Variants in STK39 observed in about 807,000 individuals in gnomAD.
STK39 encodes STE20/SPS1-related proline-alanine-rich protein kinase.
In STK39, 20 loss-of-function variants were observed where a neutral mutation model predicts 77.8. The observed-to-expected ratio is 0.26, with a 90% CI of 0.18 to 0.37. The LOEUF is 0.37. Among genes scored for constraint, STK39 ranks in the 10% least tolerant of loss-of-function variants. STK39 has a pLI of 1.00. For synonymous variants in STK39, 246 were observed against 234.1 expected (o/e 1.05, Z -0.47); for missense variants, 479 against 656.5 (o/e 0.73, Z 2.95).
intron 17 of STK39, among the ~76,000 whole-genome samples, 178 bp from the exon 18 acceptor site, chr2:167,955,748 T>G (rs922098735): frequency 1.3e-5 from 2 of 152,142 alleles, no homozygotes; most frequent in African/African-American, 4.8e-5. Context: ...AGCTAAGTGC[T>G]GTCAGCACTG....
At chr2:168,192,582 C>T (rs1689366016) in intron 1 of STK39, among the ~76,000 whole-genome samples, 1 of 152,198 alleles carries the variant, frequency 6.6e-6, no homozygotes, top group Non-Finnish European at 1.5e-5. Flanking sequence ...TCTGGGGTCA[C>T]ACAGCCCCAA....
intron 14 of STK39, among the ~76,000 whole-genome samples, chr2:168,030,652 C>G (rs957551632): frequency 6.6e-6 from 1 of 152,122 alleles, no homozygotes; most frequent in Admixed American, 6.5e-5. Context: ...ACAGGTGGTA[C>G]TGCAAGATAA....
intron 16 of STK39, among the ~76,000 whole-genome samples, chr2:167,997,349 G>A (rs1683873000): frequency 6.6e-6 from 1 of 152,094 alleles, no homozygotes. Flanking sequence ...TTTTGTAAAA[G>A]AAGCTTGATG....
At chr2:168,097,842 T>A (rs1358877466) in intron 10 of STK39, among the ~76,000 whole-genome samples, 1 of 152,222 alleles carries the variant, frequency 6.6e-6, no homozygotes, top group Non-Finnish European at 1.5e-5. Flanking sequence ...TATAGAACAT[T>A]TGACTGAATC....
At chr2:167,992,378 C>T (rs897569126) in intron 16 of STK39, among the ~76,000 whole-genome samples, 3 of 151,974 alleles carry the variant, frequency 2.0e-5, no homozygotes, top group African/African-American at 7.3e-5. Context: ...AGCTGTAGGC[C>T]ACCAGGTTGT....
chr2:167,985,314 G>A (rs116169195), intron 16 of STK39, among the ~76,000 whole-genome samples: 1 of 152,200 alleles, frequency 6.6e-6, no homozygotes, highest in African/African-American at 2.4e-5. Context: ...CTTTCTTCAG[G>A]GGAAGAACTT....
intron 10 of STK39, among the ~76,000 whole-genome samples, chr2:168,123,034 C>T (rs190917003): frequency 1.4e-4 from 22 of 152,274 alleles, no homozygotes; most frequent in African/African-American, 4.8e-4. Flanking sequence ...AAATCAATAC[C>T]ATGTGCCTCT....
intron 5 of STK39, 75 bp downstream of exon 5, chr2:168,161,712 G>T: frequency 9.4e-7 from 1 of 1,060,212 alleles, no homozygotes; most frequent in Non-Finnish European, 1.4e-6. Context: ...TCATTTCTCA[G>T]GAATGATTCT....
chr2:168,000,501 T>C (rs536859323), intron 16 of STK39, among the ~76,000 whole-genome samples: 1 of 152,338 alleles, frequency 6.6e-6, no homozygotes, highest in Admixed American at 6.5e-5. Flanking sequence ...CTAACCTGTA[T>C]TCTACCTTTC....
intron 10 of STK39, among the ~76,000 whole-genome samples, chr2:168,093,075 C>T (rs1006313842): frequency 2.6e-5 from 4 of 152,200 alleles, no homozygotes; most frequent in African/African-American, 4.8e-5. Context: ...TCGCTCAACA[C>T]ATTCAGAATG....
At chr2:168,200,130 TTAAAG>T (rs1177636685) in intron 1 of STK39, among the ~76,000 whole-genome samples, 1 of 152,216 alleles carries the variant, frequency 6.6e-6, no homozygotes, top group African/African-American at 2.4e-5. Flanking sequence ...CTCTTGAACA[TTAAAG>T]TAACATTTTC....
intron 1 of STK39, among the ~76,000 whole-genome samples, chr2:168,222,081 T>A (rs1334374211): frequency 6.6e-6 from 1 of 152,192 alleles, no homozygotes; most frequent in African/African-American, 2.4e-5. Context: ...GCATCTTTTT[T>A]CCTTCTTTTA....
chr2:168,069,722 G>A (rs1486078426), intron 12 of STK39, among the ~76,000 whole-genome samples: 1 of 152,214 alleles, frequency 6.6e-6, no homozygotes, highest in East Asian at 1.9e-4. Context: ...AATCCTGAGA[G>A]CAGCTTTTTA....
At chr2:168,219,029 A>G (rs1348142266) in intron 1 of STK39, among the ~76,000 whole-genome samples, 1 of 152,220 alleles carries the variant, frequency 6.6e-6, no homozygotes, top group Non-Finnish European at 1.5e-5. Flanking sequence ...TAAGAATCAT[A>G]TGAATCAAGA....
intron 1 of STK39, among the ~76,000 whole-genome samples, chr2:168,183,914 A>T (rs767380261): frequency 4.6e-5 from 7 of 152,312 alleles, no homozygotes; most frequent in Non-Finnish European, 7.4e-5. Flanking sequence ...AGACACTATC[A>T]CTGAAGGGAG....
chr2:168,053,705 T>G (rs1685453894), intron 14 of STK39, among the ~76,000 whole-genome samples: 1 of 152,244 alleles, frequency 6.6e-6, no homozygotes, highest in Non-Finnish European at 1.5e-5. Flanking sequence ...CAATTTTTTC[T>G]GAATACAAAC....
intron 5 of STK39, among the ~76,000 whole-genome samples, chr2:168,143,568 G>C (rs982343019): frequency 6.6e-6 from 1 of 152,178 alleles, no homozygotes; most frequent in South Asian, 2.1e-4. Context: ...CAAAAAATCA[G>C]CTGGGCCTGG....
chr2:168,025,479 T>A (rs1315548157), intron 14 of STK39, among the ~76,000 whole-genome samples: 1 of 152,202 alleles, frequency 6.6e-6, no homozygotes, highest in Non-Finnish European at 1.5e-5. Flanking sequence ...CTGACCAAGG[T>A]CAGGCCACCA....
intron 7 of STK39, among the ~76,000 whole-genome samples, chr2:168,139,157 G>C (rs1360720504): frequency 6.6e-6 from 1 of 152,174 alleles, no homozygotes; most frequent in African/African-American, 2.4e-5. Context: ...AGTCCTAGAG[G>C]ACGTCAGGCT....
Sources: gnomAD v4.1 joint callset for allele counts (sites outside exome capture counted in the v4.1 genomes callset) on GRCh38, gnomAD v4.1.1 for gene constraint, MANE v1.5 for transcripts, NCBI Gene and HGNC (gene_info 2026-07-23, HGNC 2026-07-21) for gene names.